The following CSNK2A2IP variants were observed in gnomAD, a reference collection of about 807,000 sequenced individuals.
The protein encoded by CSNK2A2IP is casein kinase 2 subunit alpha' interacting protein, also known as casein kinase II subunit alpha'-interacting protein.
the CSNK2A2IP span, among the ~76,000 whole-genome samples, chr3:88,386,185 C>T: frequency 6.6e-6 from 1 of 151,878 alleles, no homozygotes; most frequent in East Asian, 1.9e-4. Flanking sequence ...ACTGCAATGG[C>T]GTGATCTCGG....
At chr3:88,362,058 T>G in the CSNK2A2IP span, among the ~76,000 whole-genome samples, 2 of 152,164 alleles carry the variant, frequency 1.3e-5, no homozygotes, top group African/African-American at 4.8e-5. Flanking sequence ...AAATTTCTTA[T>G]CTGAGAAGTC....
At chr3:88,404,153 G>A in the CSNK2A2IP span, among the ~76,000 whole-genome samples, 144 of 152,178 alleles carry the variant, frequency 9.5e-4, 3 homozygotes, top group South Asian at 0.029. Flanking sequence ...TGCACACCAT[G>A]TGTAACAGAT....
the CSNK2A2IP span, among the ~76,000 whole-genome samples, chr3:88,352,462 GAT>G: frequency 6.6e-6 from 1 of 151,980 alleles, no homozygotes. Context: ...TCATGTGAAA[GAT>G]ATATTTGAGG....
the CSNK2A2IP span, among the ~76,000 whole-genome samples, chr3:88,369,747 T>C: frequency 6.6e-6 from 1 of 151,844 alleles, no homozygotes; most frequent in Non-Finnish European, 1.5e-5. Flanking sequence ...CTGTCTTTGA[T>C]TGAGTACATT....
chr3:88,399,140 G>A, the CSNK2A2IP span, among the ~76,000 whole-genome samples: 3 of 151,932 alleles, frequency 2.0e-5, no homozygotes, highest in Non-Finnish European at 4.4e-5. Flanking sequence ...CATTTTTGAG[G>A]GATGCATTCC....
At chr3:88,382,378 G>T in the CSNK2A2IP span, among the ~76,000 whole-genome samples, 1 of 152,182 alleles carries the variant, frequency 6.6e-6, no homozygotes, top group Non-Finnish European at 1.5e-5. Context: ...ACAGAATGGG[G>T]AGGGCTAGGC....
At chr3:88,410,341 T>C in the CSNK2A2IP span, among the ~76,000 whole-genome samples, 2 of 152,070 alleles carry the variant, frequency 1.3e-5, no homozygotes, top group Non-Finnish European at 2.9e-5. Flanking sequence ...AAAGAGTCTG[T>C]TCCTTAAGGT....
the CSNK2A2IP span, among the ~76,000 whole-genome samples, chr3:88,365,334 T>C: frequency 6.6e-6 from 1 of 152,200 alleles, no homozygotes. Context: ...GGATTTTTGA[T>C]CATTCATATT....
At chr3:88,350,658 C>T in the CSNK2A2IP span, among the ~76,000 whole-genome samples, 70 of 150,178 alleles carry the variant, frequency 4.7e-4, no homozygotes, top group African/African-American at 1.6e-3. Flanking sequence ...GAAAGAGAAG[C>T]GTATCAGACT....
At chr3:88,454,863 T>C in the CSNK2A2IP span, among the ~76,000 whole-genome samples, 1 of 152,006 alleles carries the variant, frequency 6.6e-6, no homozygotes, top group African/African-American at 2.4e-5. Flanking sequence ...TAACCTCTTA[T>C]ACCCTATGAC....
At chr3:88,444,606 TC>T in the CSNK2A2IP span, among the ~76,000 whole-genome samples, 5 of 152,212 alleles carry the variant, frequency 3.3e-5, no homozygotes, top group African/African-American at 1.2e-4. Flanking sequence ...TACACTGTGA[TC>T]CAGAAATGTT....
the CSNK2A2IP span, among the ~76,000 whole-genome samples, chr3:88,355,140 C>A: frequency 1.3e-5 from 2 of 152,088 alleles, no homozygotes; most frequent in Non-Finnish European, 2.9e-5. Flanking sequence ...TATCGTTGAT[C>A]TGCATGGAAG....
chr3:88,440,297 A>G, the CSNK2A2IP span, among the ~76,000 whole-genome samples: 3 of 152,172 alleles, frequency 2.0e-5, no homozygotes, highest in Admixed American at 2.0e-4. Context: ...TTTGGAGTTG[A>G]GTTTTTTTTA....
At chr3:88,398,344 T>G in the CSNK2A2IP span, among the ~76,000 whole-genome samples, 1 of 152,124 alleles carries the variant, frequency 6.6e-6, no homozygotes, top group Non-Finnish European at 1.5e-5. Context: ...TGTTTTATCA[T>G]GTGAACAAGA....
At chr3:88,409,275 C>G in the CSNK2A2IP span, among the ~76,000 whole-genome samples, 2 of 152,022 alleles carry the variant, frequency 1.3e-5, no homozygotes, top group Non-Finnish European at 2.9e-5. Flanking sequence ...GCTTCTCTTT[C>G]CCTACTTCTG....
the CSNK2A2IP span, among the ~76,000 whole-genome samples, chr3:88,370,204 G>C: frequency 6.6e-6 from 1 of 151,830 alleles, no homozygotes; most frequent in African/African-American, 2.4e-5. Flanking sequence ...ATATTTATTT[G>C]GAATGGGCAT....
At chr3:88,453,543 G>A in the CSNK2A2IP span, among the ~76,000 whole-genome samples, 1 of 151,930 alleles carries the variant, frequency 6.6e-6, no homozygotes, top group African/African-American at 2.4e-5. Flanking sequence ...TTTATTGTAT[G>A]GGTTCCCTGA....
At chr3:88,433,110 A>G in the CSNK2A2IP span, among the ~76,000 whole-genome samples, 7 of 152,180 alleles carry the variant, frequency 4.6e-5, no homozygotes, top group African/African-American at 1.7e-4. Flanking sequence ...ATTGACTATT[A>G]TTTTGAAAAG....
chr3:88,449,820 G>GACACACACACACACACACACAC, the CSNK2A2IP span, among the ~76,000 whole-genome samples: 3 of 47,146 alleles, frequency 6.4e-5, no homozygotes, highest in East Asian at 1.3e-3. Flanking sequence ...TTTATATCGA[G>GACACACACACACACACACACAC]ACACACACAC....
Sources: gnomAD v4.1 joint callset for allele counts (sites outside exome capture counted in the v4.1 genomes callset) on GRCh38, gnomAD v4.1.1 for gene constraint, MANE v1.5 for transcripts, NCBI Gene and HGNC (gene_info 2026-07-23, HGNC 2026-07-21) for gene names.